Variants in ZNG1A observed in about 807,000 individuals in gnomAD.
The protein encoded by ZNG1A is Zn regulated GTPase metalloprotein activator 1A.
the ZNG1A span, among the ~76,000 whole-genome samples, chr9:140,417 C>T: frequency 6.6e-5 from 10 of 151,340 alleles, no homozygotes; most frequent in African/African-American, 2.4e-4. Context: ...ACACCTCACA[C>T]GGCCGGGTAC....
At chr9:178,712 C>G in the ZNG1A span, 1 of 1,028,694 alleles carries the variant, frequency 9.7e-7, no homozygotes, top group Non-Finnish European at 1.4e-6. Flanking sequence ...GACATTTGCT[C>G]TTGATCATGA....
the ZNG1A span, among the ~76,000 whole-genome samples, chr9:141,770 C>T: frequency 1.7e-5 from 2 of 117,228 alleles, no homozygotes; most frequent in African/African-American, 6.3e-5. Context: ...AGTCAAGACC[C>T]ATCAGTGTGC....
At chr9:163,397 G>A in the ZNG1A span, among the ~76,000 whole-genome samples, 1 of 151,754 alleles carries the variant, frequency 6.6e-6, no homozygotes, top group South Asian at 2.1e-4. Context: ...AACAACAGAG[G>A]ATACAGAAAA....
At chr9:146,700 G>A in the ZNG1A span, 5 of 124,500 alleles carry the variant, frequency 4.0e-5, no homozygotes, top group African/African-American at 9.3e-5. Flanking sequence ...CCCACCATCC[G>A]AATAGACATT....
chr9:164,624 CTAAA>C, the ZNG1A span, among the ~76,000 whole-genome samples: 1 of 148,472 alleles, frequency 6.7e-6, no homozygotes, highest in Non-Finnish European at 1.5e-5. Context: ...AAAATTTTTC[CTAAA>C]TAATAAATTA....
At chr9:162,527 A>C in the ZNG1A span, 2 of 1,565,806 alleles carry the variant, frequency 1.3e-6, no homozygotes, top group African/African-American at 1.4e-5. Flanking sequence ...TAATATTTGT[A>C]CAACCATACT....
At chr9:129,491 A>T in the ZNG1A span, among the ~76,000 whole-genome samples, 1 of 149,844 alleles carries the variant, frequency 6.7e-6, no homozygotes, top group Non-Finnish European at 1.5e-5. Flanking sequence ...ATGTATCCTT[A>T]AAAAAAATCC....
At chr9:170,335 T>C in the ZNG1A span, among the ~76,000 whole-genome samples, 1 of 146,566 alleles carries the variant, frequency 6.8e-6, no homozygotes, top group Non-Finnish European at 1.5e-5. Flanking sequence ...ATGTACCTAC[T>C]TGTGTGTGTG....
chr9:131,241 C>T, the ZNG1A span, among the ~76,000 whole-genome samples: 1 of 138,488 alleles, frequency 7.2e-6, no homozygotes, highest in Non-Finnish European at 1.5e-5. Flanking sequence ...TATGCTGACA[C>T]AGAAAGAAAC....
the ZNG1A span, among the ~76,000 whole-genome samples, chr9:139,247 C>T: frequency 6.7e-6 from 1 of 149,312 alleles, no homozygotes; most frequent in African/African-American, 2.5e-5. Flanking sequence ...CTTTACGCTA[C>T]GTGAAATAAA....
chr9:174,743 G>C, the ZNG1A span, among the ~76,000 whole-genome samples: 2 of 151,190 alleles, frequency 1.3e-5, no homozygotes, highest in Non-Finnish European at 2.9e-5. Context: ...AAAAGAAATC[G>C]TTTAATAGAT....
At chr9:141,715 CTAAATGCTCCAAT>C in the ZNG1A span, among the ~76,000 whole-genome samples, 1 of 112,028 alleles carries the variant, frequency 8.9e-6, no homozygotes, top group Non-Finnish European at 2.0e-5. Flanking sequence ...TGTAAATGGA[CTAAATGCTCCAAT>C]TAAAAGACAC....
chr9:143,179 C>T, the ZNG1A span, among the ~76,000 whole-genome samples: 2 of 149,308 alleles, frequency 1.3e-5, no homozygotes, highest in Non-Finnish European at 3.0e-5. Context: ...AGGGAATACT[C>T]CCTAACTCAT....
the ZNG1A span, chr9:172,235 A>C: frequency 6.3e-7 from 1 of 1,594,638 alleles, no homozygotes; most frequent in East Asian, 2.2e-5. Context: ...GATTATTATA[A>C]ACACTTTAAA....
chr9:156,511 T>A, the ZNG1A span: 1 of 1,595,886 alleles, frequency 6.3e-7, no homozygotes. Context: ...GCCATCAGGT[T>A]TCTCTTCTGT....
the ZNG1A span, among the ~76,000 whole-genome samples, chr9:161,175 T>A: frequency 6.6e-6 from 1 of 152,106 alleles, no homozygotes. Context: ...AACTTAAACA[T>A]TAACAAGTTC....
At chr9:140,354 C>T in the ZNG1A span, among the ~76,000 whole-genome samples, 1 of 151,236 alleles carries the variant, frequency 6.6e-6, no homozygotes, top group African/African-American at 2.5e-5. Flanking sequence ...GGTCCCTGAC[C>T]CCTGACCCCC....
chr9:171,139 T>C, the ZNG1A span, among the ~76,000 whole-genome samples: 2 of 151,992 alleles, frequency 1.3e-5, no homozygotes, highest in Admixed American at 1.3e-4. Context: ...AGGACCAAAA[T>C]AGCCTAATTC....
chr9:122,419 C>G, the ZNG1A span: 1 of 1,142,146 alleles, frequency 8.8e-7, no homozygotes, highest in Non-Finnish European at 1.1e-6. Context: ...TGTATCATAT[C>G]CTATTGATTA....
Sources: gnomAD v4.1 joint callset for allele counts (sites outside exome capture counted in the v4.1 genomes callset) on GRCh38, gnomAD v4.1.1 for gene constraint, MANE v1.5 for transcripts, NCBI Gene and HGNC (gene_info 2026-07-23, HGNC 2026-07-21) for gene names.